Variants in ADAM23 observed in about 807,000 individuals in gnomAD.
ADAM23 encodes ADAM metallopeptidase domain 23, also known as disintegrin and metalloproteinase domain-containing protein 23.
A neutral mutation model predicts 120.1 loss-of-function variants in ADAM23; 33 were observed. The observed-to-expected ratio is 0.27, with a 90% CI of 0.21 to 0.37. The LOEUF (loss-of-function observed/expected upper bound fraction) is 0.37. Among genes scored for constraint, ADAM23 ranks in the 10% least tolerant of loss-of-function variants. The pLI is 1.00. For missense variants in ADAM23, 862 were observed against 1,058.2 expected, an observed-to-expected ratio of 0.81 and a Z score of 2.57; for synonymous variants, 367 against 375.2, an observed-to-expected ratio of 0.98 and a Z score of 0.25.
chr2:206,453,026 A>G (rs1043208693), intron 2 of ADAM23, among the ~76,000 whole-genome samples: 1 of 152,208 alleles, frequency 6.6e-6, no homozygotes, highest in Non-Finnish European at 1.5e-5. Context: ...ACATTCAGCA[A>G]GCATAATTTC....
chr2:206,535,358 A>G (rs1192437841), intron 4 of ADAM23, among the ~76,000 whole-genome samples: 1 of 152,182 alleles, frequency 6.6e-6, no homozygotes, highest in Admixed American at 6.5e-5. Context: ...AGCTTGTGGG[A>G]ATGTAAAATG....
At chr2:206,508,480 A>G (rs1167574127) in intron 3 of ADAM23, among the ~76,000 whole-genome samples, 1 of 151,194 alleles carries the variant, frequency 6.6e-6, no homozygotes, top group Non-Finnish European at 1.5e-5. Context: ...ACATGGGGAA[A>G]CCCCATCTCT....
At chr2:206,611,406 C>T (rs1698824609) in intron 25 of ADAM23, among the ~76,000 whole-genome samples, 1 of 151,784 alleles carries the variant, frequency 6.6e-6, no homozygotes, top group South Asian at 2.1e-4. Flanking sequence ...AATATGTTTT[C>T]GTTTGGGCGG....
chr2:206,566,088 G>A (rs1170865960), intron 14 of ADAM23, among the ~76,000 whole-genome samples: 1 of 151,690 alleles, frequency 6.6e-6, no homozygotes, highest in Non-Finnish European at 1.5e-5. Flanking sequence ...ACTATAAGAA[G>A]ATAACACCTA....
In ADAM23 at chr2:206,594,798, T is replaced by C; in HGVS notation, c.2140T>C (p.Cys714Arg). The change falls in exon 23 of 26, where the codon TGT becomes CGT. Residue 714 changes from cysteine to arginine, a missense_variant. By Grantham distance (180) the Cys-to-Arg change is radical. Coordinates refer to ENST00000264377, the MANE Select transcript of ADAM23 (RefSeq NM_003812.4). ...DVGYVEDGTP[C>R]GPSMMCLDRK... ...GGGCTATGTAGAAGATGGAACGCCATGTGGCCCGTCTATGATGTGTTTAGA... is the reference window on the plus strand; with the variant it reads ...GGGCTATGTAGAAGATGGAACGCCACGTGGCCCGTCTATGATGTGTTTAGA... The C allele has an allele frequency of 6.2e-7, 1 of 1,614,254 alleles. No homozygotes were observed. The highest frequency in any genetic ancestry group is 8.5e-7 in the Non-Finnish European group (1 of 1,180,044).
intron 2 of ADAM23, among the ~76,000 whole-genome samples, chr2:206,461,982 A>T (rs13035807): frequency 2.0e-3 from 299 of 152,168 alleles, no homozygotes; most frequent in Admixed American, 4.9e-3. Context: ...AGCAGAGGAG[A>T]GGGGCTAAGG....
At chr2:206,604,874 C>G (rs1574562318) in intron 24 of ADAM23, among the ~76,000 whole-genome samples, 2 of 152,286 alleles carry the variant, frequency 1.3e-5, no homozygotes, top group Middle Eastern at 6.8e-3. Flanking sequence ...TAATTTGAAG[C>G]CAGTCCTTTT....
chr2:206,496,925 A>C (rs1199042992), intron 3 of ADAM23, among the ~76,000 whole-genome samples: 1 of 152,228 alleles, frequency 6.6e-6, no homozygotes, highest in African/African-American at 2.4e-5. Context: ...ATTCCTCGAC[A>C]CATACACTCT....
chr2:206,588,722 C>A (rs1214914640), intron 20 of ADAM23, among the ~76,000 whole-genome samples: 1 of 152,154 alleles, frequency 6.6e-6, no homozygotes. Context: ...AATATCAGTT[C>A]ATGAGGGCCA....
Position 206,443,779 on chromosome 2 carries a change from C to T in ADAM23, c.-88C>T. 2 of 741,234 alleles carry T rather than the reference C, an allele frequency of 2.7e-6. No homozygotes were observed. Among genetic ancestry groups the T allele is most frequent in the Non-Finnish European group, 3.3e-6 (2 of 605,718 alleles). 45.9% of individuals were successfully genotyped at this position (741,234 alleles called of 1,614,324 possible). On this transcript the variant is annotated 5_prime_UTR_variant, in exon 1 of 26. Transcript: ENST00000264377. ...CGCCGCGGCACCATGCGCGCCGAGC[C>T]GGCGTGACCGGCTCCGCCCGCGGCC... is the stretch of plus-strand genomic sequence containing the variant.
chr2:206,509,043 C>T (rs1008822819), intron 3 of ADAM23, among the ~76,000 whole-genome samples: 2 of 152,192 alleles, frequency 1.3e-5, no homozygotes, highest in Non-Finnish European at 2.9e-5. Flanking sequence ...TGTCACCAAA[C>T]CATCATATGA....
intron 14 of ADAM23, 32 bp from the exon 15 acceptor site, chr2:206,567,191 T>C (rs770721307): frequency 1.7e-5 from 25 of 1,513,356 alleles, no homozygotes; most frequent in Non-Finnish European, 1.6e-5. Context: ...TTTTGGTAAA[T>C]TATTTACATA....
At chr2:206,499,169 T>C (rs944219870) in intron 3 of ADAM23, among the ~76,000 whole-genome samples, 1 of 151,816 alleles carries the variant, frequency 6.6e-6, no homozygotes, top group African/African-American at 2.4e-5. Context: ...GGATTGTAAA[T>C]CATGCTGCTA....
At chr2:206,548,417 C>A in intron 8 of ADAM23, 63 bp downstream of exon 8, 5 of 1,470,088 alleles carry the variant, frequency 3.4e-6, no homozygotes, top group Non-Finnish European at 4.7e-6. Context: ...TGCCTATCAC[C>A]CCACATTATC....
intron 22 of ADAM23, among the ~76,000 whole-genome samples, chr2:206,594,288 A>T (rs1161112826): frequency 1.1e-4 from 17 of 152,164 alleles, no homozygotes; most frequent in Admixed American, 1.1e-3. Flanking sequence ...ATTATGGATA[A>T]TCAGATCTTC....
At chr2:206,586,930 A>G (rs1007922557) in intron 18 of ADAM23, among the ~76,000 whole-genome samples, 3 of 152,192 alleles carry the variant, frequency 2.0e-5, no homozygotes, top group Non-Finnish European at 2.9e-5. Context: ...TGTCAAATGC[A>G]GATTTGACAT....
intron 14 of ADAM23, among the ~76,000 whole-genome samples, chr2:206,566,852 CAA>C (rs66674359): frequency 4.1e-4 from 59 of 144,654 alleles, no homozygotes; most frequent in Middle Eastern, 3.5e-3. Flanking sequence ...AAAACAGAGG[CAA>C]AAAAAAAAAA....
chr2:206,538,403 CT>C (rs1468025892), intron 4 of ADAM23, among the ~76,000 whole-genome samples: 5 of 152,048 alleles, frequency 3.3e-5, no homozygotes, highest in African/African-American at 1.2e-4. Flanking sequence ...AGTTGATAAG[CT>C]TGAAGAATTT....
intron 2 of ADAM23, among the ~76,000 whole-genome samples, chr2:206,451,432 G>A (rs914653524): frequency 2.0e-5 from 3 of 152,174 alleles, no homozygotes; most frequent in Non-Finnish European, 4.4e-5. Context: ...TAGAGATGGG[G>A]TTTCACCATG....
Sources: gnomAD v4.1 joint callset for allele counts (sites outside exome capture counted in the v4.1 genomes callset) on GRCh38, gnomAD v4.1.1 for gene constraint, MANE v1.5 for transcripts, NCBI Gene and HGNC (gene_info 2026-07-23, HGNC 2026-07-21) for gene names.